RAP1GAP2: variants seen among roughly 807,000 people sequenced by gnomAD.
RAP1GAP2 encodes RAP1 GTPase activating protein 2, also known as rap1 GTPase-activating protein 2.
Under a neutral mutation model 95.0 loss-of-function variants are expected in RAP1GAP2, and 27 were observed. The ratio of observed to expected loss-of-function variants is 0.28; its 90% CI spans 0.21 to 0.39. RAP1GAP2 has a LOEUF of 0.39. Ranked by LOEUF, RAP1GAP2 falls within the 10% of genes least tolerant of loss-of-function variation. RAP1GAP2 has a pLI of 1.00. For synonymous variants in RAP1GAP2, 373 were observed against 380.9 expected (o/e 0.98, Z 0.24); for missense variants, 771 against 970.0 (o/e 0.79, Z 2.72).
At chr17:2,984,933 C>T (rs2045503477) in intron 10 of RAP1GAP2, 50 bp from the exon 11 acceptor site, 2 of 1,602,842 alleles carry the variant, frequency 1.2e-6, no homozygotes, top group African/African-American at 1.3e-5. Flanking sequence ...TCCTCACTTG[C>T]TTCCAAATTT....
chr17:2,765,991 G>A lies in RAP1GAP2; in HGVS notation c.51-4338G>A, dbSNP rs141921708. 9.8e-4 allele frequency among the ~76,000 whole-genome samples: 149 copies of A among 152,052 alleles called. 1 individual carries two copies. The highest frequency in any genetic ancestry group is 3.3e-3 in the African/African-American group (139 of 41,504). On this transcript the variant is annotated intron_variant, in intron 1 of 25. Coordinates refer to the RAP1GAP2 transcript ENST00000637138. ...CTCCAAACAAACAAACAAACAAAGC[G>A]TCTAACCTGGCCGTCCTATTATTTT...
intron 1 of RAP1GAP2, among the ~76,000 whole-genome samples, chr17:2,769,070 T>A (rs925308700): frequency 6.6e-6 from 1 of 150,564 alleles, no homozygotes; most frequent in Non-Finnish European, 1.5e-5. Context: ...CTACAAAAAA[T>A]TTAATAAGAA....
chr17:3,006,058 T>C lies in RAP1GAP2; in HGVS notation c.1359+17T>C. ...AAGCTGGAGGTGAGAGTGTGGTTTCTGAAGGTCTCCCTCCTGACTGCTGGG... is the reference window on the plus strand; with the variant it reads ...AAGCTGGAGGTGAGAGTGTGGTTTCCGAAGGTCTCCCTCCTGACTGCTGGG... On this transcript the variant is annotated intron_variant, in intron 16 of 24. Transcript: ENST00000254695. The C allele has an allele frequency of 6.2e-7, 1 of 1,607,906 alleles. No individual in the cohort carries two copies. Among genetic ancestry groups the C allele is most frequent in the Non-Finnish European group, 8.5e-7 (1 of 1,175,176 alleles).
chr17:2,983,055 C>T (rs533150239), intron 10 of RAP1GAP2, among the ~76,000 whole-genome samples: 3 of 152,320 alleles, frequency 2.0e-5, no homozygotes, highest in Non-Finnish European at 2.9e-5. Flanking sequence ...GCAGCAGCGC[C>T]GTCGCTGGGG....
chr17:2,931,850 G>A (rs1597646206), intron 3 of RAP1GAP2, among the ~76,000 whole-genome samples: 1 of 152,304 alleles, frequency 6.6e-6, no homozygotes, highest in Non-Finnish European at 1.5e-5. Flanking sequence ...GTGAGGGGAA[G>A]GGCAGGTTAG....
chr17:2,997,600 A>G, intron 13 of RAP1GAP2, among the ~76,000 whole-genome samples: 1 of 151,888 alleles, frequency 6.6e-6, no homozygotes, highest in East Asian at 1.9e-4. Flanking sequence ...CGACTTGGCC[A>G]TCTTCCCCAT....
In RAP1GAP2 at chr17:3,015,650, C is replaced by G. The variant is rs1317703601; in HGVS notation, c.1495-2411C>G. On this transcript the variant is annotated intron_variant, in intron 17 of 24. Coordinates refer to ENST00000254695, the MANE Select transcript of RAP1GAP2 (RefSeq NM_015085.5). ...TGGCCAACACAGTGAACCGCCATCT[C>G]TACTAAAAATACAAAAATTAGCCAG... Among the ~76,000 whole-genome samples the G allele has an allele frequency of 3.3e-5, 5 of 152,064 alleles. No individual in the cohort carries two copies. In the East Asian group the frequency reaches 9.7e-4, roughly 29 times the overall value.
chr17:2,943,216 T>C (rs953502157), intron 3 of RAP1GAP2, among the ~76,000 whole-genome samples: 1 of 152,132 alleles, frequency 6.6e-6, no homozygotes. Context: ...GAGATTGAAT[T>C]ATTAGGCTTC....
chr17:2,967,223 T>C (rs1396017944), intron 8 of RAP1GAP2, among the ~76,000 whole-genome samples: 1 of 151,978 alleles, frequency 6.6e-6, no homozygotes, highest in Non-Finnish European at 1.5e-5. Context: ...AAAAAAAAAT[T>C]AGCTGGGCGT....
chr17:2,913,280 C>T (rs2042454003), intron 3 of RAP1GAP2, among the ~76,000 whole-genome samples: 1 of 151,296 alleles, frequency 6.6e-6, no homozygotes, highest in East Asian at 2.0e-4. Context: ...TGCCTATTTT[C>T]CCTAATTCTG....
At chr17:2,952,308 G>A (rs12950579) in intron 3 of RAP1GAP2, among the ~76,000 whole-genome samples, 17,922 of 152,218 alleles carry the variant, frequency 0.12, 1,322 homozygotes, top group African/African-American at 0.21. Context: ...TCCTCTTGTC[G>A]TTTATTGTAT....
At chr17:2,760,292 C>CAAAA (rs374784170) in intron 1 of RAP1GAP2, among the ~76,000 whole-genome samples, 19 of 59,216 alleles carry the variant, frequency 3.2e-4, no homozygotes, top group South Asian at 7.2e-4. Context: ...GACTCTGTCT[C>CAAAA]AAAAAAAAAA....
chr17:2,757,115 C>T (rs7225105), intron 1 of RAP1GAP2, among the ~76,000 whole-genome samples: 31,978 of 151,832 alleles, frequency 0.21, 3,635 homozygotes, highest in East Asian at 0.38. Context: ...GAATTAATCT[C>T]CTTTATTTAA....
At chr17:2,923,077 G>C (rs1425710287) in intron 3 of RAP1GAP2, among the ~76,000 whole-genome samples, 1 of 140,638 alleles carries the variant, frequency 7.1e-6, no homozygotes, top group African/African-American at 2.7e-5. Context: ...GTCTTGCTCT[G>C]TTGCCAGGCT....
chr17:3,012,574 C>T (rs530728209), intron 17 of RAP1GAP2, among the ~76,000 whole-genome samples: 4 of 119,668 alleles, frequency 3.3e-5, no homozygotes, highest in South Asian at 2.8e-4. Context: ...GCTGAGATTG[C>T]GCCACTGCAC....
At chr17:2,883,448 C>T (rs1472514942) in intron 2 of RAP1GAP2, among the ~76,000 whole-genome samples, 5 of 152,194 alleles carry the variant, frequency 3.3e-5, no homozygotes, top group Non-Finnish European at 5.9e-5. Context: ...CTTCCCCAGC[C>T]GGGCAGCCTT....
At chr17:2,756,325 C>A (rs1255350702) in intron 1 of RAP1GAP2, among the ~76,000 whole-genome samples, 1 of 152,238 alleles carries the variant, frequency 6.6e-6, no homozygotes, top group Non-Finnish European at 1.5e-5. Context: ...GGAGGGGTCC[C>A]CGTGTAGCGG....
rs552105903 is a variant in RAP1GAP2, at chr17:2,929,826, C to T, written c.165+24458C>T. On this transcript the variant is annotated intron_variant, in intron 3 of 24. Transcript: ENST00000254695. ...CCAGGAGATGACGGTCCTGAGGGTGCGTGCCCAGCCTGAGGCTTGTAGGTT... is the reference window on the plus strand; with the variant it reads ...CCAGGAGATGACGGTCCTGAGGGTGTGTGCCCAGCCTGAGGCTTGTAGGTT... 1.4e-4 allele frequency among the ~76,000 whole-genome samples: 22 copies of T among 152,268 alleles called. No individual in the cohort carries two copies. In the East Asian group the frequency reaches 3.3e-3, roughly 23 times the overall value.
Position 2,817,524 on chromosome 17 carries a change from G to T in RAP1GAP2, c.80+16974G>T, listed in dbSNP as rs7224297. On this transcript the variant is annotated intron_variant, in intron 2 of 24. Transcript: ENST00000254695. ...TGATCGTATGGCAATTCTATGTATA[G>T]TTTTTTTTTTTTTTGAGGCAGGGTT... 2.3e-3 allele frequency among the ~76,000 whole-genome samples: 261 copies of T among 113,872 alleles called. 43 individuals carry two copies. Among genetic ancestry groups the T allele is most frequent in the African/African-American group, 4.1e-3 (143 of 34,876 alleles). 74.7% of individuals were successfully genotyped at this position (113,872 alleles called of 152,430 possible).
Sources: allele counts gnomAD v4.1 joint callset (sites outside exome capture counted in the v4.1 genomes callset), GRCh38; gene constraint gnomAD v4.1.1; transcripts MANE v1.5; gene names NCBI Gene and HGNC (gene_info 2026-07-23, HGNC 2026-07-21).